Variants in PKHD1 observed in about 807,000 individuals in gnomAD.
The protein encoded by PKHD1 is PKHD1 ciliary IPT domain containing fibrocystin/polyductin.
PKHD1 carries 291 observed loss-of-function variants against 412.0 expected under a neutral mutation model. The ratio of observed to expected loss-of-function variants is 0.71; its 90% CI spans 0.64 to 0.78. The LOEUF (loss-of-function observed/expected upper bound fraction) is 0.78, where lower values mean the gene tolerates loss of function less well. Among genes scored for constraint, PKHD1 ranks in the 30% least tolerant of loss-of-function variants. The pLI is 0.00. For synonymous variants in PKHD1, 1,777 were observed against 1,821.5 expected, an observed-to-expected ratio of 0.98 and a Z score of 0.62; for missense variants, 4,825 against 4,950.7, an observed-to-expected ratio of 0.97 and a Z score of 0.76.
intron 47 of PKHD1, among the ~76,000 whole-genome samples, chr6:51,869,634 T>C (rs180764975): frequency 2.9e-4 from 44 of 152,248 alleles, no homozygotes; most frequent in African/African-American, 1.1e-3. Flanking sequence ...CACTGTCTCA[T>C]GAATGATATG....
chr6:51,930,893 G>GA (rs1786465447), intron 37 of PKHD1, among the ~76,000 whole-genome samples: 1 of 152,180 alleles, frequency 6.6e-6, no homozygotes, highest in African/African-American at 2.4e-5. Flanking sequence ...GAAGAGAAGA[G>GA]AAGATGCCTG....
At chr6:51,880,779 T>TAAAAAAAAAAAAAAAA (rs71544105) in intron 46 of PKHD1, among the ~76,000 whole-genome samples, 49 of 30,046 alleles carry the variant, frequency 1.6e-3, no homozygotes, top group Admixed American at 3.4e-3. Context: ...AAAAAAAAAT[T>TAAAAAAAAAAAAAAAA]AAAAAAAAAA....
chr6:51,784,238 T>C (rs566984678), intron 53 of PKHD1, among the ~76,000 whole-genome samples: 2 of 148,674 alleles, frequency 1.3e-5, no homozygotes, highest in Non-Finnish European at 3.0e-5. Flanking sequence ...AGAGGCTTCA[T>C]ATAGGTTGGT....
At chr6:51,960,843 G>C (rs906536239) in intron 35 of PKHD1, among the ~76,000 whole-genome samples, 1 of 152,104 alleles carries the variant, frequency 6.6e-6, no homozygotes, top group Non-Finnish European at 1.5e-5. Flanking sequence ...CTGTTAATTT[G>C]TGGTCACTCT....
At chr6:51,667,959 T>C (rs1038313800) in intron 60 of PKHD1, among the ~76,000 whole-genome samples, 1 of 152,178 alleles carries the variant, frequency 6.6e-6, no homozygotes, top group Non-Finnish European at 1.5e-5. Context: ...CCTTGTAGTA[T>C]AGTTTGAAGT....
At chr6:51,955,608 T>C (rs1282439530) in intron 36 of PKHD1, among the ~76,000 whole-genome samples, 2 of 152,072 alleles carry the variant, frequency 1.3e-5, no homozygotes, top group Admixed American at 6.6e-5. Context: ...CTTCCATGAA[T>C]GGAAAAATAA....
chr6:51,659,689 T>C lies in PKHD1; in HGVS notation c.10437A>G (p.Gln3479=), dbSNP rs1225639947. Residue 3479 remains glutamine (Q), a synonymous_variant, in exon 61 of 67, where the codon CAA becomes CAG. Coordinates refer to ENST00000371117, the MANE Select transcript of PKHD1 (RefSeq NM_138694.4). ...TKVCFMDQTP[Q]VLRFFLLGNK... is the part of the protein sequence containing the mutation. ...TCCCCAATAGAAAAAAGCGCAAAAC[T>C]TGAGGAGTTTGATCCATGAAGCAGA... The C allele has an allele frequency of 1.2e-6, 2 of 1,613,776 alleles. No individual in the cohort carries two copies. The highest frequency in any genetic ancestry group is 1.7e-6 in the Non-Finnish European group (2 of 1,179,850).
At chr6:51,950,220 A>ATATATAT (rs1554156415) in intron 36 of PKHD1, among the ~76,000 whole-genome samples, 30 of 98,302 alleles carry the variant, frequency 3.1e-4, no homozygotes, top group South Asian at 2.1e-3. Flanking sequence ...GAAAAAAAAA[A>ATATATAT]ATATATATAT....
Position 51,659,682 on chromosome 6 carries a change from G to T in PKHD1, c.10444C>A (p.Arg3482Ser). The change falls in exon 61 of 67, where the codon CGC becomes AGC. Residue 3482 changes from arginine (R) to serine (S), a missense_variant. By Grantham distance (110) the Arg-to-Ser change is moderately radical. Transcript: ENST00000371117. The stretch of plus-strand genomic sequence containing the variant: ...CTTTTGTTCCCCAATAGAAAAAAGC[G>T]CAAAACTTGAGGAGTTTGATCCATG... ...CFMDQTPQVL[R>S]FFLLGNKSTS... is the part of the protein sequence containing the mutation. The T allele has an allele frequency of 6.2e-7, 1 of 1,613,826 alleles. No homozygotes were observed. The highest frequency in any genetic ancestry group is 8.5e-7 in the Non-Finnish European group (1 of 1,179,866).
chr6:51,859,387 G>A (rs887156657), intron 48 of PKHD1, among the ~76,000 whole-genome samples: 3 of 151,956 alleles, frequency 2.0e-5, no homozygotes, highest in Admixed American at 6.6e-5. Context: ...TTAGCTGGGC[G>A]TGGCAGCATG....
chr6:52,010,483 T>C, intron 34 of PKHD1, 24 bp from the exon 35 acceptor site: 1 of 1,515,362 alleles, frequency 6.6e-7, no homozygotes, highest in Non-Finnish European at 9.2e-7. Flanking sequence ...GGAGGTTAAA[T>C]GGGGTGTCAT....
In PKHD1 at chr6:51,648,089, A is replaced by G. The variant is rs17667728; in HGVS notation, c.11340T>C (p.Pro3780=). The G allele has an allele frequency of 0.039, 63,012 of 1,604,934 alleles. 1,405 individuals carry two copies. The highest frequency in any genetic ancestry group is 0.044 in the Non-Finnish European group (51,359 of 1,171,532). ...AAGCTGAAATTGTCCATGGCTCTGA[A>G]GGAGGTCCCAGGGACTCTACTCTTC... ...QNRRVESLGP[P]SEPWTISASL... The change falls in exon 63 of 67, where the codon CCT becomes CCC. Residue 3780 remains proline (P), a synonymous_variant. Coordinates refer to ENST00000371117, the MANE Select transcript of PKHD1 (RefSeq NM_138694.4).
chr6:51,770,984 TG>T (rs1380681806), intron 55 of PKHD1, among the ~76,000 whole-genome samples: 3 of 152,086 alleles, frequency 2.0e-5, no homozygotes, highest in Non-Finnish European at 2.9e-5. Context: ...AAAGCAAAAG[TG>T]AGATTTCTTT....
At chr6:52,049,105 G>C (rs769389278) in intron 22 of PKHD1, among the ~76,000 whole-genome samples, 1 of 152,184 alleles carries the variant, frequency 6.6e-6, no homozygotes, top group Non-Finnish European at 1.5e-5. Flanking sequence ...TCACTTAACA[G>C]TGAGGATACA....
chr6:51,956,913 ACCAGTGATTTGATTC>A (rs1456092818), intron 36 of PKHD1, among the ~76,000 whole-genome samples: 8 of 152,016 alleles, frequency 5.3e-5, no homozygotes, highest in African/African-American at 1.9e-4. Flanking sequence ...AATAGTAAGG[ACCAGTGATTTGATTC>A]CCAGTGAGTT....
intron 34 of PKHD1, among the ~76,000 whole-genome samples, chr6:52,011,242 T>C (rs1458041072): frequency 6.6e-6 from 1 of 152,180 alleles, no homozygotes; most frequent in Non-Finnish European, 1.5e-5. Context: ...ACATGGATAG[T>C]GAAGGGTGTC....
At chr6:51,648,239 G>T (rs1238089310) in intron 62 of PKHD1, 121 bp from the exon 63 acceptor site, 6 of 648,492 alleles carry the variant, frequency 9.3e-6, no homozygotes, top group Non-Finnish European at 1.7e-5. Flanking sequence ...TAGAAATAAA[G>T]GAAAGAAAGT....
chr6:51,936,626 G>A (rs1398092923), intron 36 of PKHD1, among the ~76,000 whole-genome samples: 1 of 152,126 alleles, frequency 6.6e-6, no homozygotes, highest in African/African-American at 2.4e-5. Flanking sequence ...CAACTGAATT[G>A]ACCCCTCCTC....
chr6:51,886,816 G>A (rs943873297), intron 44 of PKHD1, among the ~76,000 whole-genome samples: 5 of 152,116 alleles, frequency 3.3e-5, no homozygotes, highest in African/African-American at 7.2e-5. Flanking sequence ...TGTGTCAAAC[G>A]TTCTTACAGT....
Sources: gnomAD v4.1 joint callset for allele counts (sites outside exome capture counted in the v4.1 genomes callset) on GRCh38, gnomAD v4.1.1 for gene constraint, MANE v1.5 for transcripts, NCBI Gene and HGNC (gene_info 2026-07-23, HGNC 2026-07-21) for gene names.